Variants in IMMP2L observed in about 807,000 individuals in gnomAD.
IMMP2L encodes inner mitochondrial membrane peptidase subunit 2.
Under a neutral mutation model 19.3 loss-of-function variants are expected in IMMP2L, and 18 were observed. That is an observed-to-expected ratio of 0.93 (90% CI 0.64 to 1.38). The LOEUF (loss-of-function observed/expected upper bound fraction) is 1.38. Ranked by LOEUF, IMMP2L falls within the 40% of genes most tolerant of loss-of-function variation. IMMP2L has a pLI of 0.00. For missense variants in IMMP2L, 233 were observed against 218.2 expected (o/e 1.07, Z -0.43); for synonymous variants, 76 against 73.0 (o/e 1.04, Z -0.21).
intron 5 of IMMP2L, among the ~76,000 whole-genome samples, chr7:110,712,964 C>G (rs948025141): frequency 6.6e-6 from 1 of 151,408 alleles, no homozygotes; most frequent in Non-Finnish European, 1.5e-5. Flanking sequence ...AGAAATCACC[C>G]GTCTTCTGCG....
chr7:110,823,392 G>A (rs942877025), intron 5 of IMMP2L, among the ~76,000 whole-genome samples: 4 of 152,014 alleles, frequency 2.6e-5, no homozygotes, highest in Non-Finnish European at 4.4e-5. Flanking sequence ...GACTCAAAGA[G>A]ATTATATTAC....
intron 5 of IMMP2L, among the ~76,000 whole-genome samples, chr7:110,743,104 C>T (rs1019052023): frequency 4.6e-5 from 7 of 152,068 alleles, no homozygotes; most frequent in Admixed American, 1.3e-4. Flanking sequence ...GAAAAGCTTA[C>T]TGAAAGTCAT....
At chr7:111,075,639 C>T (rs1056770036) in intron 3 of IMMP2L, among the ~76,000 whole-genome samples, 2 of 152,126 alleles carry the variant, frequency 1.3e-5, no homozygotes, top group African/African-American at 2.4e-5. Context: ...CTCTTTCTCA[C>T]TGTCCTCTGC....
chr7:111,507,353 G>C (rs577618371), intron 2 of IMMP2L, among the ~76,000 whole-genome samples: 70 of 152,246 alleles, frequency 4.6e-4, no homozygotes, highest in African/African-American at 1.7e-3. Context: ...TACGAAGCCA[G>C]CTGACAATTT....
At chr7:110,889,191 C>G (rs1016911236) in intron 4 of IMMP2L, among the ~76,000 whole-genome samples, 1 of 152,040 alleles carries the variant, frequency 6.6e-6, no homozygotes, top group East Asian at 1.9e-4. Flanking sequence ...TTTCATGGAC[C>G]AGGGTGGATG....
chr7:111,084,300 TAAA>T (rs56331509), intron 3 of IMMP2L, among the ~76,000 whole-genome samples: 18 of 128,920 alleles, frequency 1.4e-4, no homozygotes, highest in Admixed American at 9.5e-4. Flanking sequence ...GAAATAAAAT[TAAA>T]AAAAAAAAAA....
At chr7:111,229,216 T>C (rs1813450154) in intron 3 of IMMP2L, among the ~76,000 whole-genome samples, 2 of 152,062 alleles carry the variant, frequency 1.3e-5, no homozygotes, top group African/African-American at 2.4e-5. Context: ...TCTTAATATT[T>C]TTATAATACT....
At chr7:111,107,746 T>C (rs1000099823) in intron 3 of IMMP2L, among the ~76,000 whole-genome samples, 1 of 152,116 alleles carries the variant, frequency 6.6e-6, no homozygotes, top group African/African-American at 2.4e-5. Flanking sequence ...ATAATTTTGT[T>C]GGCTAATAAT....
At chr7:110,794,364 C>G (rs1800706560) in intron 5 of IMMP2L, among the ~76,000 whole-genome samples, 1 of 151,974 alleles carries the variant, frequency 6.6e-6, no homozygotes, top group East Asian at 1.9e-4. Context: ...ATAGAGAAAC[C>G]TTAATATTAC....
At chr7:110,719,213 G>A (rs548538170) in intron 5 of IMMP2L, among the ~76,000 whole-genome samples, 3 of 152,256 alleles carry the variant, frequency 2.0e-5, no homozygotes, top group African/African-American at 7.2e-5. Flanking sequence ...TAGGAATAAA[G>A]GAAAAGTCAA....
chr7:111,174,130 G>T (rs1333572417), intron 3 of IMMP2L, among the ~76,000 whole-genome samples: 2 of 151,484 alleles, frequency 1.3e-5, no homozygotes, highest in Admixed American at 1.3e-4. Flanking sequence ...AAAACCGTGG[G>T]ACCCTGGTCT....
chr7:110,839,185 C>T (rs1804804345), intron 5 of IMMP2L, among the ~76,000 whole-genome samples: 2 of 152,004 alleles, frequency 1.3e-5, no homozygotes, highest in African/African-American at 2.4e-5. Flanking sequence ...ACATGAAGGA[C>T]AGACCTTGGA....
At chr7:111,075,176 G>C (rs914015540) in intron 3 of IMMP2L, among the ~76,000 whole-genome samples, 21 of 133,952 alleles carry the variant, frequency 1.6e-4, no homozygotes, top group African/African-American at 5.7e-4. Context: ...ACCCAGGCTG[G>C]AGTACAGTGG....
chr7:111,041,127 G>C (rs1200518814), intron 3 of IMMP2L, among the ~76,000 whole-genome samples: 13 of 151,972 alleles, frequency 8.6e-5, no homozygotes. Flanking sequence ...TAATTCTTAT[G>C]ACCATGTACC....
intron 5 of IMMP2L, among the ~76,000 whole-genome samples, chr7:110,698,746 C>T (rs967520874): frequency 6.6e-6 from 1 of 152,194 alleles, no homozygotes; most frequent in Admixed American, 6.5e-5. Context: ...CCAACCAATA[C>T]ACACTATGTG....
At chr7:110,989,982 T>C (rs1218669321) in intron 3 of IMMP2L, among the ~76,000 whole-genome samples, 5 of 152,134 alleles carry the variant, frequency 3.3e-5, no homozygotes, top group Non-Finnish European at 7.4e-5. Context: ...TCTCTGTTGA[T>C]TGATGCATCA....
chr7:110,824,662 C>T (rs1211872506), intron 5 of IMMP2L, among the ~76,000 whole-genome samples: 1 of 152,078 alleles, frequency 6.6e-6, no homozygotes, highest in African/African-American at 2.4e-5. Flanking sequence ...ACCACCGCTC[C>T]CAGCCTGTAT....
chr7:111,401,831 C>A (rs921455132), intron 3 of IMMP2L, among the ~76,000 whole-genome samples: 1 of 152,010 alleles, frequency 6.6e-6, no homozygotes, highest in East Asian at 1.9e-4. Flanking sequence ...ATTATTAAAC[C>A]ATTATTTATT....
chr7:111,049,427 G>A (rs1432539024), intron 3 of IMMP2L, among the ~76,000 whole-genome samples: 9 of 151,914 alleles, frequency 5.9e-5, no homozygotes, highest in African/African-American at 1.9e-4. Context: ...CACCGCGCCC[G>A]GCCGATTTTT....
Sources: gnomAD v4.1 joint callset for allele counts (sites outside exome capture counted in the v4.1 genomes callset) on GRCh38, gnomAD v4.1.1 for gene constraint, MANE v1.5 for transcripts, NCBI Gene and HGNC (gene_info 2026-07-23, HGNC 2026-07-21) for gene names.